The following METTL25 variants were observed in gnomAD, a reference collection of about 807,000 sequenced individuals.
The protein encoded by METTL25 is methyltransferase like 25, also known as probable methyltransferase-like protein 25.
A neutral mutation model predicts 71.6 loss-of-function variants in METTL25; 64 were observed. That is an observed-to-expected ratio of 0.89 (90% CI 0.73 to 1.10). The LOEUF (loss-of-function observed/expected upper bound fraction) is 1.10, where lower values mean the gene tolerates loss of function less well. Ranked by LOEUF, METTL25 falls within the 50% of genes least tolerant of loss-of-function variation. The pLI is 0.00. For synonymous variants in METTL25, 287 were observed against 250.3 expected (o/e 1.15, Z -1.38); for missense variants, 807 against 707.0 (o/e 1.14, Z -1.60).
At chr12:82,437,261 T>G (rs1308779890) in intron 7 of METTL25, among the ~76,000 whole-genome samples, 2 of 151,684 alleles carry the variant, frequency 1.3e-5, no homozygotes, top group Non-Finnish European at 3.0e-5. Context: ...AGTTACAAAT[T>G]TTAGTGTGGG....
chr12:82,358,878 A>G (rs371315160), intron 1 of METTL25, 54 bp downstream of exon 1: 21 of 1,542,948 alleles, frequency 1.4e-5, no homozygotes, highest in Non-Finnish European at 1.7e-5. Flanking sequence ...AGGTCCCGGC[A>G]GACGAAGCGA....
chr12:82,368,883 C>T (rs1882878220), intron 1 of METTL25, among the ~76,000 whole-genome samples: 1 of 152,136 alleles, frequency 6.6e-6, no homozygotes, highest in Admixed American at 6.5e-5. Flanking sequence ...CCCTGATCAA[C>T]TTTGATTATG....
chr12:82,431,182 TTA>T (rs1164162074), intron 6 of METTL25, among the ~76,000 whole-genome samples, 195 bp downstream of exon 6: 1 of 151,220 alleles, frequency 6.6e-6, no homozygotes, highest in Non-Finnish European at 1.5e-5. Context: ...CATGATAAAA[TTA>T]TATATATTTT....
At chr12:82,371,924 G>A (rs1362043685) in intron 1 of METTL25, among the ~76,000 whole-genome samples, 3 of 152,124 alleles carry the variant, frequency 2.0e-5, no homozygotes, top group African/African-American at 7.2e-5. Flanking sequence ...TACGACTCCA[G>A]TCCTCATGAT....
intron 5 of METTL25, chr12:82,407,889 C>T: frequency 1.0e-6 from 1 of 985,160 alleles, no homozygotes; most frequent in Non-Finnish European, 1.2e-6. Flanking sequence ...ACTCCCTTTT[C>T]TCTTTCCAAC....
rs34068056 is a variant in METTL25 at position 82,387,715 on chromosome 12, G to GCACACACA, written c.424+758_424+765dup. ...GTAGTTCTCTTCTACACACACACGC[G>GCACACACA]CACACACACACACACACTCTTTTTC... is the stretch of plus-strand genomic sequence containing the variant. On this transcript the variant is annotated intron_variant, in intron 2 of 11. Transcript: ENST00000248306. Among the ~76,000 whole-genome samples the GCACACACA allele has an allele frequency of 2.9e-3, 443 of 150,670 alleles. 2 individuals are homozygous for GCACACACA. Among genetic ancestry groups the GCACACACA allele is most frequent in the African/African-American group, 9.3e-3 (382 of 41,116 alleles).
chr12:82,369,993 A>G (rs186592271), intron 1 of METTL25, among the ~76,000 whole-genome samples: 1 of 152,276 alleles, frequency 6.6e-6, no homozygotes, highest in Admixed American at 6.5e-5. Context: ...AGCTAGACAG[A>G]AAAGTTCTTC....
chr12:82,423,807 C>A (rs536021911), intron 5 of METTL25, among the ~76,000 whole-genome samples: 4 of 152,162 alleles, frequency 2.6e-5, no homozygotes, highest in South Asian at 2.1e-4. Context: ...ACTGGCCATC[C>A]GATAAATGCA....
chr12:82,422,820 C>T (rs1888641420), intron 5 of METTL25, among the ~76,000 whole-genome samples: 2 of 152,104 alleles, frequency 1.3e-5, no homozygotes, highest in Admixed American at 6.6e-5. Context: ...AATAAAATAC[C>T]TAGGAATCCA....
chr12:82,380,220 T>C (rs1486935557), intron 1 of METTL25, among the ~76,000 whole-genome samples: 1 of 152,158 alleles, frequency 6.6e-6, no homozygotes, highest in Non-Finnish European at 1.5e-5. Context: ...GAACGTTTGG[T>C]ATTTGCTTTT....
At chr12:82,408,556 A>G (rs1224795432) in intron 5 of METTL25, among the ~76,000 whole-genome samples, 1 of 151,414 alleles carries the variant, frequency 6.6e-6, no homozygotes, top group Non-Finnish European at 1.5e-5. Flanking sequence ...GTATCCCTAG[A>G]TTTTTGATAG....
intron 3 of METTL25, among the ~76,000 whole-genome samples, chr12:82,394,418 C>A (rs1392317459): frequency 1.3e-5 from 2 of 152,010 alleles, no homozygotes; most frequent in African/African-American, 2.4e-5. Flanking sequence ...ACAAGAATAT[C>A]ATTTTTACCT....
At chr12:82,447,750 AGTTT>A (rs1278730977) in intron 8 of METTL25, among the ~76,000 whole-genome samples, 2 of 152,020 alleles carry the variant, frequency 1.3e-5, no homozygotes, top group African/African-American at 4.8e-5. Flanking sequence ...TGGGTACAAG[AGTTT>A]GTTTTATTTA....
chr12:82,466,881 G>C (rs1229760938), intron 9 of METTL25, among the ~76,000 whole-genome samples: 1 of 151,718 alleles, frequency 6.6e-6, no homozygotes, highest in Non-Finnish European at 1.5e-5. Flanking sequence ...ATTCTATTTT[G>C]CCCAATCTAC....
At position 82,438,717 on chromosome 12, in the gene METTL25, G is replaced by T. The variant is rs1200237200; in HGVS notation, c.1405-1G>T. 1 of 1,459,620 alleles carries T rather than the reference G, an allele frequency of 6.9e-7. No homozygotes were observed. The highest frequency in any genetic ancestry group is 1.5e-5 in the South Asian group (1 of 65,924). The allele number at this position is 1,459,620 out of a possible 1,614,324, so 90.4% of individuals were successfully genotyped here. ...CTTATATATGTCTACATTTTTTTCAGCTGCCTACTGAATCACTCTTCTATC... is the reference window on the plus strand; with the variant it reads ...CTTATATATGTCTACATTTTTTTCATCTGCCTACTGAATCACTCTTCTATC... On this transcript the variant is annotated splice_acceptor_variant, in intron 7 of 11. Coordinates refer to ENST00000248306, the MANE Select transcript of METTL25 (RefSeq NM_032230.3). LOFTEE classifies it high-confidence loss of function.
intron 5 of METTL25, chr12:82,407,721 G>C (rs1592670614): frequency 1.5e-6 from 1 of 680,692 alleles, no homozygotes; most frequent in East Asian, 1.4e-4. Context: ...AAATACTTCG[G>C]AGGTCAAGAA....
intron 1 of METTL25, among the ~76,000 whole-genome samples, chr12:82,375,831 A>T (rs1386410202): frequency 6.6e-6 from 1 of 152,174 alleles, no homozygotes; most frequent in African/African-American, 2.4e-5. Flanking sequence ...ATCCCTTATG[A>T]CCTCAGAATG....
chr12:82,435,577 T>C (rs144412618), intron 7 of METTL25, among the ~76,000 whole-genome samples: 183 of 151,516 alleles, frequency 1.2e-3, no homozygotes, highest in African/African-American at 4.4e-3. Context: ...GGACTTTAGT[T>C]ACAAACTACT....
intron 5 of METTL25, among the ~76,000 whole-genome samples, chr12:82,415,689 C>T (rs559883631): frequency 5.4e-4 from 82 of 152,242 alleles, no homozygotes; most frequent in African/African-American, 1.9e-3. Flanking sequence ...AGAATTCAAC[C>T]TTTCTCTAAC....
Sources: allele counts gnomAD v4.1 joint callset (sites outside exome capture counted in the v4.1 genomes callset), GRCh38; gene constraint gnomAD v4.1.1; transcripts MANE v1.5; gene names NCBI Gene and HGNC (gene_info 2026-07-23, HGNC 2026-07-21).